The following ZNF730 variants were observed in gnomAD, a reference collection of about 807,000 sequenced individuals.
ZNF730 encodes zinc finger protein 730, also known as putative zinc finger protein 730.
A neutral mutation model predicts 12.6 loss-of-function variants in ZNF730; 12 were observed. The ratio of observed to expected loss-of-function variants is 0.95; its 90% CI spans 0.61 to 1.54. ZNF730 has a LOEUF of 1.54. Among genes scored for constraint, ZNF730 ranks in the 40% most tolerant of loss-of-function variants. The pLI is 0.00. For missense variants in ZNF730, 643 were observed against 583.5 expected (o/e 1.10, Z -1.05); for synonymous variants, 194 against 195.8 (o/e 0.99, Z 0.08).
At chr19:23,129,949 G>A (rs185425368) in intron 1 of ZNF730, among the ~76,000 whole-genome samples, 69 of 149,680 alleles carry the variant, frequency 4.6e-4, no homozygotes, top group Middle Eastern at 6.9e-3. Flanking sequence ...AGCCAAGATC[G>A]TGCCACTGCA....
chr19:23,085,489 TG>T (rs1165927857), intron 1 of ZNF730, among the ~76,000 whole-genome samples: 4 of 131,818 alleles, frequency 3.0e-5, no homozygotes, highest in African/African-American at 5.8e-5. Context: ...TGAGCCACCA[TG>T]CCCGTCTTTT....
At position 23,128,115 on chromosome 19, in the gene ZNF730, C is replaced by T. The variant is rs1380996162; in HGVS notation, c.4-5965C>T. On this transcript the variant is annotated intron_variant, in intron 1 of 3. Transcript: ENST00000597761. The stretch of plus-strand genomic sequence containing the variant: ...CCTTCACCTGCTATTTGGATGTAGG[C>T]CTTGCCAGAACTACCACTGGCAATA... The T allele has an allele frequency of 3.1e-5, 27 of 880,840 alleles. No individual in the cohort carries two copies. The Admixed American group carries it at 4.1e-4, about 13-fold the overall frequency. 54.6% of individuals were successfully genotyped at this position (880,840 alleles called of 1,614,324 possible). A position where few individuals can be genotyped will look rare whatever the true frequency, so the allele number is the denominator to read the frequency against.
intron 3 of ZNF730, among the ~76,000 whole-genome samples, chr19:23,144,974 T>G (rs1970981650): frequency 6.6e-6 from 1 of 152,180 alleles, no homozygotes; most frequent in Non-Finnish European, 1.5e-5. Context: ...ACTTGTAAAG[T>G]CACTATGTTA....
intron 1 of ZNF730, among the ~76,000 whole-genome samples, chr19:23,080,235 G>C (rs1254764684): frequency 2.0e-5 from 3 of 152,148 alleles, no homozygotes; most frequent in East Asian, 3.9e-4. Flanking sequence ...CTACTCATTT[G>C]TAAAGGGACA....
intron 1 of ZNF730, chr19:23,123,414 CA>C: frequency 6.6e-6 from 1 of 152,286 alleles, no homozygotes; most frequent in Non-Finnish European, 1.5e-5. Context: ...CTAAAAACTA[CA>C]AAAAATTAGC....
intron 1 of ZNF730, among the ~76,000 whole-genome samples, chr19:23,078,906 G>A (rs1360519191): frequency 2.0e-5 from 3 of 152,114 alleles, no homozygotes; most frequent in Non-Finnish European, 4.4e-5. Context: ...CTGGGTTCAA[G>A]CGATTCTCCT....
intron 1 of ZNF730, among the ~76,000 whole-genome samples, chr19:23,106,722 G>A (rs889461075): frequency 1.3e-5 from 2 of 149,150 alleles, no homozygotes; most frequent in Admixed American, 6.8e-5. Context: ...ACCCAGAGGT[G>A]TATGTTATGA....
chr19:23,116,325 T>TTTTCTTTTCTTTTC (rs755848287), upstream of ZNF730, among the ~76,000 whole-genome samples: 138 of 21,362 alleles, frequency 6.5e-3, no homozygotes, highest in Admixed American at 0.011. Context: ...TTTTCTTTTC[T>TTTTCTTTTCTTTTC]TTCTTTCTTT....
At chr19:23,103,421 G>T (rs980263607) in intron 1 of ZNF730, among the ~76,000 whole-genome samples, 1 of 152,158 alleles carries the variant, frequency 6.6e-6, no homozygotes, top group Non-Finnish European at 1.5e-5. Context: ...CTTTGTTAAC[G>T]GTTATAACAG....
intron 1 of ZNF730, among the ~76,000 whole-genome samples, chr19:23,084,516 C>T (rs569719608): frequency 3.0e-4 from 46 of 152,230 alleles, no homozygotes; most frequent in Admixed American, 1.5e-3. Flanking sequence ...TACAAGTGTA[C>T]GTTTGTTGCA....
chr19:23,101,241 T>A (rs902338580), intron 1 of ZNF730, among the ~76,000 whole-genome samples: 4 of 34,652 alleles, frequency 1.2e-4, no homozygotes, highest in Non-Finnish European at 2.8e-4. Context: ...AGGTTCTGAA[T>A]GTCAGACACA....
intron 1 of ZNF730, among the ~76,000 whole-genome samples, chr19:23,078,070 T>G (rs1969897716): frequency 6.6e-6 from 1 of 152,030 alleles, no homozygotes; most frequent in Non-Finnish European, 1.5e-5. Context: ...GAAAGCCAGG[T>G]ATTGTCCAAG....
At chr19:23,107,621 G>C (rs1447252683) in intron 1 of ZNF730, among the ~76,000 whole-genome samples, 1 of 151,326 alleles carries the variant, frequency 6.6e-6, no homozygotes, top group East Asian at 1.9e-4. Flanking sequence ...TGTATTACTT[G>C]GTAAGAATTC....
intron 1 of ZNF730, chr19:23,100,360 G>A (rs1027032820): frequency 6.6e-6 from 1 of 152,158 alleles, no homozygotes; most frequent in Non-Finnish European, 1.5e-5. Context: ...TTGCTCCTAG[G>A]TAGGCTTAGG....
chr19:23,085,633 C>T (rs1970048459), intron 1 of ZNF730, among the ~76,000 whole-genome samples: 1 of 145,646 alleles, frequency 6.9e-6, no homozygotes, highest in Non-Finnish European at 1.5e-5. Context: ...GCCTCTGCCT[C>T]TCTAGTAGAT....
chr19:23,139,283 TTG>T, intron 3 of ZNF730, among the ~76,000 whole-genome samples: 1 of 152,208 alleles, frequency 6.6e-6, no homozygotes, highest in African/African-American at 2.4e-5. Context: ...GCTTCTAAGC[TTG>T]GATTACAGCA....
At chr19:23,098,785 T>C (rs1466213863) in intron 1 of ZNF730, among the ~76,000 whole-genome samples, 1 of 152,164 alleles carries the variant, frequency 6.6e-6, no homozygotes, top group African/African-American at 2.4e-5. Flanking sequence ...ATGTGACGGT[T>C]CTGGGTACTT....
chr19:23,133,080 G>T (rs1599596285), intron 1 of ZNF730, among the ~76,000 whole-genome samples: 1 of 152,306 alleles, frequency 6.6e-6, no homozygotes, highest in Middle Eastern at 3.4e-3. Context: ...TCAATATGGA[G>T]TTAATTATTT....
rs1227062904 is a variant in ZNF730, at chr19:23,086,423, T to TA, written c.-94+11036_-94+11037insA. ...TTACCTAGGTTGTCTTTCAGGGTTT[T>TA]TATAGTTTTGGGTTTTTCATTTAAG... On this transcript the variant is annotated intron_variant, in intron 1 of 2. Coordinates refer to the ZNF730 transcript ENST00000593635. 2.7e-3 allele frequency among the ~76,000 whole-genome samples: 408 copies of TA among 152,350 alleles called. 2 individuals carry two copies. The highest frequency in any genetic ancestry group is 9.5e-3 in the African/African-American group (397 of 41,586).
Sources: allele counts gnomAD v4.1 joint callset (sites outside exome capture counted in the v4.1 genomes callset), GRCh38; gene constraint gnomAD v4.1.1; transcripts MANE v1.5; gene names NCBI Gene and HGNC (gene_info 2026-07-23, HGNC 2026-07-21).